Variants in HOXB2 observed in about 807,000 individuals in gnomAD.
The protein encoded by HOXB2 is homeobox B2.
Under a neutral mutation model 13.1 loss-of-function variants are expected in HOXB2, and 14 were observed. The observed-to-expected ratio is 1.07, with a 90% CI of 0.71 to 1.67. The LOEUF (loss-of-function observed/expected upper bound fraction) is 1.67. Among genes scored for constraint, HOXB2 ranks in the 40% most tolerant of loss-of-function variants. The probability of loss-of-function intolerance (pLI) is 0.00; values close to 1 mark genes in which losing one functional copy is unlikely to be tolerated. For synonymous variants in HOXB2, 261 were observed against 233.1 expected, an observed-to-expected ratio of 1.12 and a Z score of -1.09; for missense variants, 582 against 488.3, an observed-to-expected ratio of 1.19 and a Z score of -1.81.
Position 48,543,280 on chromosome 17 carries a change from G to A in HOXB2, c.859C>T (p.Pro287Ser), listed in dbSNP as rs754491463. The change falls in exon 2 of 2, where the codon CCC (proline) becomes TCC (serine). Residue 287 changes from proline (P) to serine (S), a missense_variant. Physicochemically the swap from Pro to Ser is moderately conservative, Grantham distance 74. Transcript: ENST00000330070. ...AAGACGTCTTCTGGCAATGGCCCGG[G>A]CTCCAGCCCGCCGGCCCCGCGCAGC... Reference protein sequence around the residue: ...CALRGAGGLEPGPLPEDVFSG... With the variant: ...CALRGAGGLESGPLPEDVFSG... 2 of 1,602,828 alleles carry A rather than the reference G, an allele frequency of 1.2e-6. No individual in the cohort carries two copies. The highest frequency in any genetic ancestry group is 2.2e-5 in the East Asian group (1 of 44,780).
Position 48,543,457 on chromosome 17 carries a change from G to A in HOXB2, c.682C>T (p.Pro228Ser). The change falls in exon 2 of 2, where the codon CCC (proline) becomes TCC (serine). Residue 228 changes from proline (P) to serine (S), a missense_variant. By Grantham distance (74) the Pro-to-Ser change is moderately conservative. Coordinates refer to ENST00000330070, the MANE Select transcript of HOXB2 (RefSeq NM_002145.4). ...GAGGGGCCGCCCGGGCTGGCCGCGG[G>A]TTCCTCGGCAGGGTCGCAGATGTCC... ...LEDICDPAEE[P>S]AASPGGPSAS... 6.2e-7 allele frequency: 1 copy of A among 1,606,912 alleles called. No homozygotes were observed. The highest frequency in any genetic ancestry group is 8.5e-7 in the Non-Finnish European group (1 of 1,177,864).
At position 48,544,976 on chromosome 17, in the gene HOXB2, C is replaced by CA; in HGVS notation, c.-66_-65insT. The CA allele has an allele frequency of 1.6e-6, 2 of 1,267,316 alleles. No individual in the cohort carries two copies. Among genetic ancestry groups the CA allele is most frequent in the Non-Finnish European group, 2.2e-6 (2 of 928,814 alleles). The allele number at this position is 1,267,316 out of a possible 1,614,324, so 78.5% of individuals were successfully genotyped here. On this transcript the variant is annotated 5_prime_UTR_variant, in exon 1 of 2. Coordinates refer to ENST00000330070, the MANE Select transcript of HOXB2 (RefSeq NM_002145.4). ...TCAGGAGGGAGGATCGGAAGGGACC[C>CA]CCCTCCTGCACCCCCCCCGATTTAT...
rs982261025 is a variant in HOXB2 at position 48,543,171 on chromosome 17, G to C, written c.968C>G (p.Ser323Cys). Residue 323 changes from serine (S) to cysteine (C), a missense_variant, in exon 2 of 2, where the codon TCC becomes TGC. Physicochemically the swap from Ser to Cys is moderately radical, Grantham distance 112. Coordinates refer to ENST00000330070, the MANE Select transcript of HOXB2 (RefSeq NM_002145.4). ...DSCLQLSGGL[S>C]PSLQGSLDSP... ...GTCGAGAGAACCCTGTAGGCTAGGG[G>C]AGAGGCCTCCGGATAGCTGGAGACA... 2 of 1,614,002 alleles carry C rather than the reference G, an allele frequency of 1.2e-6. No homozygotes were observed. Among genetic ancestry groups the C allele is most frequent in the Admixed American group, 1.7e-5 (1 of 60,030 alleles).
chr17:48,544,351 G>A lies in HOXB2; in HGVS notation c.391+170C>T, dbSNP rs926721929. On this transcript the variant is annotated intron_variant, in intron 1 of 1. Transcript: ENST00000330070. ...AGAGACAGAAAAAAAAAAAGACGCT[G>A]TTAGCGGCCAGGCCTGAACCCCAGT... 7.9e-6 allele frequency: 11 copies of A among 1,399,890 alleles called. No individual in the cohort carries two copies. In the African/African-American group the frequency reaches 1.5e-4, roughly 19 times the overall value. The allele number at this position is 1,399,890 out of a possible 1,614,324, so 86.7% of individuals were successfully genotyped here. A position where few individuals can be genotyped will look rare whatever the true frequency, so the allele number is the denominator to read the frequency against.
In HOXB2 at chr17:48,544,818, A is replaced by ATG. The variant is rs2068552135; in HGVS notation, c.92_93dup (p.Phe32HisfsTer12). On this transcript the variant is annotated frameshift_variant, in exon 1 of 2. Coordinates refer to ENST00000330070, the MANE Select transcript of HOXB2 (RefSeq NM_002145.4). LOFTEE classifies it high-confidence loss of function. ...GACTCCTTGATTGATGAAGTTTGAA[A>ATG]TGTCTCCAAGACAGCGGGGAAGGAA... The ATG allele has an allele frequency of 6.2e-7, 1 of 1,613,442 alleles. No homozygotes were observed. Among genetic ancestry groups the ATG allele is most frequent in the African/African-American group, 1.3e-5 (1 of 74,744 alleles).
At position 48,544,845 on chromosome 17, in the gene HOXB2, T is replaced by G. The variant is rs1466522309; in HGVS notation, c.67A>C (p.Thr23Pro). Residue 23 changes from threonine (T) to proline (P), a missense_variant, in exon 1 of 2, where the codon ACT becomes CCT. Transcript: ENST00000330070. ...GTCTCCAAGACAGCGGGGAAGGAAG[T>G]CAGACACTCGGCGAGCGACGGCTGG... ...NSQPSLAECLTSFPAVLETFQ... is the reference protein window; with the variant it reads ...NSQPSLAECLPSFPAVLETFQ... The G allele has an allele frequency of 1.7e-5, 27 of 1,611,120 alleles. No individual in the cohort carries two copies. Among genetic ancestry groups the G allele is most frequent in the Non-Finnish European group, 2.2e-5 (26 of 1,179,426 alleles).
Position 48,543,167 on chromosome 17 carries a change from A to AT in HOXB2, c.971_972insA (p.Ser325Ter). Reference sequence around the variant, plus strand: ...GGCTGTCGAGAGAACCCTGTAGGCTAGGGGAGAGGCCTCCGGATAGCTGGA... The same window carrying AT: ...GGCTGTCGAGAGAACCCTGTAGGCTATGGGGAGAGGCCTCCGGATAGCTGGA... On this transcript the variant is annotated frameshift_variant, in exon 2 of 2. Transcript: ENST00000330070. LOFTEE classifies it high-confidence loss of function. 1 of 1,613,830 alleles carries AT rather than the reference A, an allele frequency of 6.2e-7. No individual in the cohort carries two copies. Among genetic ancestry groups the AT allele is most frequent in the Non-Finnish European group, 8.5e-7 (1 of 1,179,932 alleles).
chr17:48,543,393 G>C lies in HOXB2; in HGVS notation c.746C>G (p.Pro249Arg), dbSNP rs746984949. ...GCTTAAGGCCCCCGGCACCACCTCC[G>C]GCGGGTGACAGCAGGCTTCCCACGC... ...RAAWEACCHP[P>R]EVVPGALSAD... The change falls in exon 2 of 2, where the codon CCG becomes CGG. Residue 249 changes from proline (P) to arginine (R), a missense_variant. Transcript: ENST00000330070. 6.3e-7 allele frequency: 1 copy of C among 1,584,534 alleles called. No homozygotes were observed. The highest frequency in any genetic ancestry group is 1.1e-5 in the South Asian group (1 of 88,868).
At position 48,543,447 on chromosome 17, in the gene HOXB2, C is replaced by T. The variant is rs1598738247; in HGVS notation, c.692G>A (p.Ser231Asn). The part of the protein sequence containing the change: ...ICDPAEEPAA[S>N]PGGPSASRAA... ...CCGCGAGGCGGAGGGGCCGCCCGGGCTGGCCGCGGGTTCCTCGGCAGGGTC... is the reference window on the plus strand; with the variant it reads ...CCGCGAGGCGGAGGGGCCGCCCGGGTTGGCCGCGGGTTCCTCGGCAGGGTC... Residue 231 changes from serine (S) to asparagine (N), a missense_variant, in exon 2 of 2, where the codon AGC (serine) becomes AAC (asparagine). By Grantham distance (46) the Ser-to-Asn change is conservative. Transcript: ENST00000330070. The T allele has an allele frequency of 6.2e-7, 1 of 1,602,826 alleles. No homozygotes were observed. Among genetic ancestry groups the T allele is most frequent in the Non-Finnish European group, 8.5e-7 (1 of 1,176,246 alleles).
intron 1 of HOXB2, chr17:48,544,281 C>T (rs2068542533): frequency 7.3e-7 from 1 of 1,371,110 alleles, no homozygotes; most frequent in African/African-American, 1.5e-5. Context: ...AAAGGCGTTT[C>T]CCCAACCAGC....
rs748308406 is a variant in HOXB2, at chr17:48,543,382, G to C, written c.757C>G (p.Pro253Ala). The change falls in exon 2 of 2, where the codon CCG (proline) becomes GCG (alanine). Residue 253 changes from proline to alanine, a missense_variant. Physicochemically the swap from Pro to Ala is conservative, Grantham distance 27 (BLOSUM62 -1). Transcript: ENST00000330070. ...CGGGGGTCCGCGCTTAAGGCCCCCGGCACCACCTCCGGCGGGTGACAGCAG... is the reference window on the plus strand; with the variant it reads ...CGGGGGTCCGCGCTTAAGGCCCCCGCCACCACCTCCGGCGGGTGACAGCAG... ...EACCHPPEVV[P>A]GALSADPRPL... 1 of 1,587,286 alleles carries C rather than the reference G, an allele frequency of 6.3e-7. No individual in the cohort carries two copies. Among genetic ancestry groups the C allele is most frequent in the Non-Finnish European group, 8.5e-7 (1 of 1,170,386 alleles).
Position 48,543,161 on chromosome 17 carries a change from T to C in HOXB2, c.978A>G (p.Leu326=). The C allele has an allele frequency of 6.2e-7, 1 of 1,613,690 alleles. No homozygotes were observed. The highest frequency in any genetic ancestry group is 1.1e-5 in the South Asian group (1 of 91,064). The change falls in exon 2 of 2, where the codon CTA becomes CTG. Residue 326 remains leucine, a synonymous_variant. Coordinates refer to ENST00000330070, the MANE Select transcript of HOXB2 (RefSeq NM_002145.4). ...LQLSGGLSPS[L]QGSLDSPVPF... ...GGACCGGGCTGTCGAGAGAACCCTG[T>C]AGGCTAGGGGAGAGGCCTCCGGATA... is the stretch of plus-strand genomic sequence containing the variant.
chr17:48,543,224 G>A lies in HOXB2; in HGVS notation c.915C>T (p.Pro305=). 6.2e-7 allele frequency: 1 copy of A among 1,613,444 alleles called. No individual in the cohort carries two copies. Among genetic ancestry groups the A allele is most frequent in the Non-Finnish European group, 8.5e-7 (1 of 1,180,008 alleles). Residue 305 remains proline, a synonymous_variant, in exon 2 of 2, where the codon CCC becomes CCT. Transcript: ENST00000330070. ...FSGRQDSPFL[P]DLNFFAADSC... ...AGTCGGCCGCGAAGAAGTTGAGGTCGGGAAGGAAAGGTGAATCCTGGCGCC... is the reference window on the plus strand; with the variant it reads ...AGTCGGCCGCGAAGAAGTTGAGGTCAGGAAGGAAAGGTGAATCCTGGCGCC...
chr17:48,544,077 C>T (rs2068539566), intron 1 of HOXB2: 2 of 985,170 alleles, frequency 2.0e-6, no homozygotes, highest in Admixed American at 6.1e-5. Context: ...CCAACTCAAC[C>T]GGAGCGAGGG....
chr17:48,544,317 AAGAG>A (rs1303609422), intron 1 of HOXB2, 200 bp downstream of exon 1: 161 of 1,334,986 alleles, frequency 1.2e-4, no homozygotes, highest in South Asian at 1.6e-4. Flanking sequence ...TAGGGAGAGA[AAGAG>A]AGAGAGAGAC....
Position 48,543,271 on chromosome 17 carries a change from A to T in HOXB2, c.868T>A (p.Leu290Met). Reference sequence around the variant, plus strand: ...CGCCCCGAGAAGACGTCTTCTGGCAATGGCCCGGGCTCCAGCCCGCCGGCC... The same window carrying T: ...CGCCCCGAGAAGACGTCTTCTGGCATTGGCCCGGGCTCCAGCCCGCCGGCC... The part of the protein sequence containing the change: ...RGAGGLEPGP[L>M]PEDVFSGRQD... The change falls in exon 2 of 2, where the codon TTG (leucine) becomes ATG (methionine). Residue 290 changes from leucine to methionine, a missense_variant. Coordinates refer to ENST00000330070, the MANE Select transcript of HOXB2 (RefSeq NM_002145.4). 6.2e-7 allele frequency: 1 copy of T among 1,606,092 alleles called. No individual in the cohort carries two copies. Among genetic ancestry groups the T allele is most frequent in the Non-Finnish European group, 8.5e-7 (1 of 1,179,276 alleles).
Position 48,544,901 on chromosome 17 carries a change from T to C in HOXB2, c.11A>G (p.Glu4Gly), listed in dbSNP as rs146657238. 2.7e-5 allele frequency: 28 copies of C among 1,023,338 alleles called. No homozygotes were observed. In the African/African-American group the frequency reaches 5.0e-4, roughly 18 times the overall value. The allele number at this position is 1,023,338 out of a possible 1,614,324, so 63.4% of individuals were successfully genotyped here. MNF[E>G]FEREIGFINS... ...TATAAACCCAATCTCCCTCTCAAAT[T>C]CAAAATTCATGGCTTTCAATGGTGG... is the stretch of plus-strand genomic sequence containing the variant. Residue 4 changes from glutamate to glycine, a missense_variant, in exon 1 of 2, where the codon GAA (glutamate) becomes GGA (glycine). Physicochemically the swap from Glu to Gly is moderately conservative, Grantham distance 98 (BLOSUM62 -2). Transcript: ENST00000330070.
rs1264394090 is a variant in HOXB2, at chr17:48,544,942, G to C, written c.-31C>G. The C allele has an allele frequency of 4.3e-6, 6 of 1,399,042 alleles. No homozygotes were observed. The East Asian group carries it at 1.2e-4, about 29-fold the overall frequency. The allele number at this position is 1,399,042 out of a possible 1,614,324, so 86.7% of individuals were successfully genotyped here. ...TCAATGGTGGGGGAGGGGGCTGCTGGGGGGGGCGTCAGGAGGGAGGATCGG... is the reference window on the plus strand; with the variant it reads ...TCAATGGTGGGGGAGGGGGCTGCTGCGGGGGGCGTCAGGAGGGAGGATCGG... On this transcript the variant is annotated 5_prime_UTR_variant, in exon 1 of 2. Transcript: ENST00000330070.
At position 48,543,164 on chromosome 17, in the gene HOXB2, G is replaced by C. The variant is rs758296665; in HGVS notation, c.975C>G (p.Ser325Arg). ...CCGGGCTGTCGAGAGAACCCTGTAG[G>C]CTAGGGGAGAGGCCTCCGGATAGCT... The part of the protein sequence containing the change: ...CLQLSGGLSP[S>R]LQGSLDSPVP... Residue 325 changes from serine to arginine, a missense_variant, in exon 2 of 2, where the codon AGC (serine) becomes AGG (arginine). Ser to Arg is a moderately radical substitution (Grantham distance 110). Transcript: ENST00000330070. The C allele has an allele frequency of 1.2e-5, 20 of 1,613,852 alleles. No individual in the cohort carries two copies. In the African/African-American group the frequency reaches 2.5e-4, roughly 20 times the overall value.
Sources: allele counts gnomAD v4.1 joint callset, GRCh38; gene constraint gnomAD v4.1.1; transcripts MANE v1.5; gene names NCBI Gene and HGNC (gene_info 2026-07-23, HGNC 2026-07-21).